Variants in CNTNAP2 observed in about 807,000 individuals in gnomAD.
CNTNAP2 encodes the protein contactin associated protein 2, also known as contactin-associated protein-like 2.
A neutral mutation model predicts 155.2 loss-of-function variants in CNTNAP2; 98 were observed. That is an observed-to-expected ratio of 0.63 (90% CI 0.54 to 0.75). The LOEUF (loss-of-function observed/expected upper bound fraction) is 0.75. CNTNAP2 is among the 30% of genes least tolerant of loss of function. The pLI, the probability that CNTNAP2 is intolerant of heterozygous loss-of-function variation, is 0.00. For synonymous variants in CNTNAP2, 651 were observed against 631.2 expected, an observed-to-expected ratio of 1.03 and a Z score of -0.47; for missense variants, 1,727 against 1,688.1, an observed-to-expected ratio of 1.02 and a Z score of -0.40.
intron 10 of CNTNAP2, among the ~76,000 whole-genome samples, chr7:147,438,029 T>C (rs1259301822): frequency 6.6e-6 from 1 of 152,144 alleles, no homozygotes; most frequent in Non-Finnish European, 1.5e-5. Context: ...TTTAGGTTTT[T>C]CCAAATATAA....
intron 22 of CNTNAP2, among the ~76,000 whole-genome samples, chr7:148,387,593 C>A (rs1208710585): frequency 1.3e-5 from 2 of 152,126 alleles, no homozygotes; most frequent in African/African-American, 4.8e-5. Context: ...AATGCAGAAT[C>A]TCAGGCCCCT....
chr7:147,119,671 T>C (rs1273371711), intron 5 of CNTNAP2, among the ~76,000 whole-genome samples: 1 of 149,744 alleles, frequency 6.7e-6, no homozygotes, highest in Non-Finnish European at 1.5e-5. Context: ...AGGAAGATAA[T>C]AGAAAATGTA....
At chr7:146,684,603 T>C (rs1249843257) in intron 1 of CNTNAP2, among the ~76,000 whole-genome samples, 2 of 102,248 alleles carry the variant, frequency 2.0e-5, no homozygotes, top group Non-Finnish European at 3.7e-5. Context: ...GAATAGAATG[T>C]TCCCAAAACA....
intron 16 of CNTNAP2, among the ~76,000 whole-genome samples, chr7:148,133,072 T>C (rs1183284296): frequency 6.6e-6 from 1 of 152,152 alleles, no homozygotes; most frequent in Non-Finnish European, 1.5e-5. Context: ...GATAAGGTCA[T>C]AAGAGAGTTA....
intron 9 of CNTNAP2, among the ~76,000 whole-genome samples, chr7:147,364,881 A>T (rs577571508): frequency 6.6e-6 from 1 of 152,172 alleles, no homozygotes; most frequent in Non-Finnish European, 1.5e-5. Flanking sequence ...AGCCATGTTA[A>T]AAATTACTTT....
chr7:146,581,181 T>G (rs755611071), intron 1 of CNTNAP2, among the ~76,000 whole-genome samples: 37 of 152,072 alleles, frequency 2.4e-4, no homozygotes, highest in Non-Finnish European at 4.3e-4. Context: ...ATCTTCAGAA[T>G]GGTAAATTAT....
intron 12 of CNTNAP2, among the ~76,000 whole-genome samples, chr7:147,599,651 G>T (rs545075332): frequency 6.6e-6 from 1 of 152,078 alleles, no homozygotes. Context: ...TCCAGCTTCT[G>T]GTGGTTGCAA....
intron 1 of CNTNAP2, among the ~76,000 whole-genome samples, chr7:146,554,879 A>G (rs1053523670): frequency 6.6e-6 from 1 of 152,254 alleles, no homozygotes; most frequent in Non-Finnish European, 1.5e-5. Flanking sequence ...GCACATATAT[A>G]GCACTTGAGT....
chr7:146,231,015 A>AAAATAAATAAATAAAT (rs71527791), intron 1 of CNTNAP2, among the ~76,000 whole-genome samples: 9,010 of 80,622 alleles, frequency 0.11, 682 homozygotes, highest in African/African-American at 0.23. Flanking sequence ...ACTTTGTCTC[A>AAAATAAATAAATAAAT]AAATAAATAA....
Position 146,975,189 on chromosome 7 carries a change from G to A in CNTNAP2, c.403-68718G>A, listed in dbSNP as rs529299189. ...GAATAAGACAGTAGCTCACGGCTGG[G>A]CGCGTTGGCTCATGCCTGTAATCCC... On this transcript the variant is annotated intron_variant, in intron 3 of 23. Transcript: ENST00000361727. Among the ~76,000 whole-genome samples the A allele has an allele frequency of 2.0e-4, 31 of 152,264 alleles. No individual in the cohort carries two copies. In the East Asian group the frequency reaches 6.0e-3, roughly 29 times the overall value.
chr7:146,536,946 A>T (rs1797878496), intron 1 of CNTNAP2, among the ~76,000 whole-genome samples: 1 of 152,164 alleles, frequency 6.6e-6, no homozygotes, highest in African/African-American at 2.4e-5. Flanking sequence ...CATTAAAATA[A>T]TCCCAAATAT....
chr7:147,813,273 C>CA (rs903562176), intron 13 of CNTNAP2, among the ~76,000 whole-genome samples: 1 of 152,094 alleles, frequency 6.6e-6, no homozygotes, highest in African/African-American at 2.4e-5. Flanking sequence ...AGGGGAAGTT[C>CA]AAAACATCAC....
At chr7:148,374,430 C>A (rs2116645796) in intron 21 of CNTNAP2, among the ~76,000 whole-genome samples, 3 of 152,020 alleles carry the variant, frequency 2.0e-5, no homozygotes, top group African/African-American at 7.2e-5. Flanking sequence ...CCCTTTTTTC[C>A]CCATTGTCGC....
intron 1 of CNTNAP2, among the ~76,000 whole-genome samples, chr7:146,759,116 A>T (rs1364232561): frequency 6.6e-6 from 1 of 152,110 alleles, no homozygotes; most frequent in Non-Finnish European, 1.5e-5. Flanking sequence ...CTGTCTGAAA[A>T]CAATTTTATT....
intron 1 of CNTNAP2, among the ~76,000 whole-genome samples, chr7:146,465,760 A>G (rs1215979625): frequency 6.6e-6 from 1 of 152,128 alleles, no homozygotes; most frequent in Non-Finnish European, 1.5e-5. Flanking sequence ...TATAGGAAAC[A>G]TATTTTCGTA....
chr7:147,326,748 G>A (rs1795467503), intron 9 of CNTNAP2, among the ~76,000 whole-genome samples: 1 of 152,174 alleles, frequency 6.6e-6, no homozygotes, highest in African/African-American at 2.4e-5. Flanking sequence ...TCTAGTGGGT[G>A]TGAAATGGTT....
rs533066162 is a variant in CNTNAP2 at position 148,083,468 on chromosome 7, G to C, written c.2384-34650G>C. Among the ~76,000 whole-genome samples, 28 of 152,226 alleles carry C rather than the reference G, an allele frequency of 1.8e-4. No individual in the cohort carries two copies. In the East Asian group the frequency reaches 3.9e-3, roughly 21 times the overall value. On this transcript the variant is annotated intron_variant, in intron 15 of 23. Transcript: ENST00000361727. ...GGGAGTGAAGAATTAGGAGTCACAG[G>C]TAGGTTAGCATGTGGAAGAGAAGGT... is the stretch of plus-strand genomic sequence containing the variant.
intron 1 of CNTNAP2, among the ~76,000 whole-genome samples, chr7:146,660,133 T>C (rs1028108713): frequency 2.6e-5 from 4 of 152,326 alleles, no homozygotes; most frequent in Non-Finnish European, 4.4e-5. Context: ...ACTTGAATGG[T>C]AATAAGGGAG....
intron 11 of CNTNAP2, among the ~76,000 whole-genome samples, chr7:147,498,862 G>A (rs1452681345): frequency 6.6e-6 from 1 of 152,004 alleles, no homozygotes; most frequent in African/African-American, 2.4e-5. Flanking sequence ...ATGAATATCA[G>A]GTAGTAAATT....
Sources: gnomAD v4.1 joint callset for allele counts (sites outside exome capture counted in the v4.1 genomes callset) on GRCh38, gnomAD v4.1.1 for gene constraint, MANE v1.5 for transcripts, NCBI Gene and HGNC (gene_info 2026-07-23, HGNC 2026-07-21) for gene names.